PKHD1: variants seen among roughly 807,000 people sequenced by gnomAD.
The protein encoded by PKHD1 is PKHD1 ciliary IPT domain containing fibrocystin/polyductin.
In PKHD1, 291 loss-of-function variants were observed where a neutral mutation model predicts 412.0. The ratio of observed to expected loss-of-function variants is 0.71; its 90% CI spans 0.64 to 0.78. PKHD1 has a LOEUF of 0.78. Ranked by LOEUF, PKHD1 falls within the 30% of genes least tolerant of loss-of-function variation. The pLI is 0.00. For missense variants in PKHD1, 4,825 were observed against 4,950.7 expected (o/e 0.97, Z 0.76); for synonymous variants, 1,777 against 1,821.5 (o/e 0.98, Z 0.62).
intron 60 of PKHD1, among the ~76,000 whole-genome samples, chr6:51,740,521 T>C (rs936050698): frequency 2.6e-5 from 4 of 152,196 alleles, no homozygotes; most frequent in Non-Finnish European, 5.9e-5. Context: ...AAATATAAAA[T>C]TCCAGTGGTC....
chr6:51,718,031 C>T (rs1324267624), intron 60 of PKHD1, among the ~76,000 whole-genome samples: 2 of 152,202 alleles, frequency 1.3e-5, no homozygotes, highest in Non-Finnish European at 2.9e-5. Flanking sequence ...GGAAGCCTTG[C>T]TAAATGGTTT....
intron 35 of PKHD1, among the ~76,000 whole-genome samples, chr6:51,996,770 A>G (rs1741633432): frequency 6.6e-6 from 1 of 152,236 alleles, no homozygotes; most frequent in African/African-American, 2.4e-5. Flanking sequence ...AGAAGTGAGG[A>G]GCATCAGAGG....
chr6:51,640,512 A>C (rs1427240154), intron 63 of PKHD1, among the ~76,000 whole-genome samples: 6 of 152,180 alleles, frequency 3.9e-5, no homozygotes, highest in African/African-American at 9.6e-5. Context: ...TGACATATAC[A>C]AATGCAATTG....
chr6:51,845,637 A>C (rs150209590), intron 50 of PKHD1, among the ~76,000 whole-genome samples: 1 of 152,360 alleles, frequency 6.6e-6, no homozygotes, highest in East Asian at 1.9e-4. Flanking sequence ...ACATTCATTT[A>C]TATCATACAT....
chr6:51,864,003 A>G (rs938108743), intron 48 of PKHD1, among the ~76,000 whole-genome samples: 2 of 152,172 alleles, frequency 1.3e-5, no homozygotes, highest in Admixed American at 1.3e-4. Flanking sequence ...TGCAGGTGCT[A>G]TAAGTACTGA....
intron 64 of PKHD1, among the ~76,000 whole-genome samples, chr6:51,638,635 T>G (rs1447845246): frequency 6.6e-6 from 1 of 152,084 alleles, no homozygotes; most frequent in African/African-American, 2.4e-5. Context: ...AAATGTACAT[T>G]TGGTTTCTTG....
rs1365935950 is a variant in PKHD1 at position 51,647,932 on chromosome 6, A to G, written c.11398+99T>C. On this transcript the variant is annotated intron_variant, in intron 63 of 66. Coordinates refer to ENST00000371117, the MANE Select transcript of PKHD1 (RefSeq NM_138694.4). ...TCTTCCCAAATTACTGAAGAAATTC[A>G]GTATTACCAATTTTGCTATGAATTC... is the stretch of plus-strand genomic sequence containing the variant. 6.4e-6 allele frequency: 5 copies of G among 777,106 alleles called. No homozygotes were observed. The African/African-American group carries it at 6.8e-5, about 10-fold the overall frequency. 48.1% of individuals were successfully genotyped at this position (777,106 alleles called of 1,614,324 possible). A position where few individuals can be genotyped will look rare whatever the true frequency, so the allele number is the denominator to read the frequency against.
At chr6:51,739,079 T>A (rs1202962961) in intron 60 of PKHD1, among the ~76,000 whole-genome samples, 4 of 147,886 alleles carry the variant, frequency 2.7e-5, no homozygotes, top group Non-Finnish European at 4.5e-5. Context: ...ATATATTTTT[T>A]ATATATTTTA....
chr6:51,929,012 A>G (rs916840661), intron 37 of PKHD1, among the ~76,000 whole-genome samples: 1 of 152,178 alleles, frequency 6.6e-6, no homozygotes, highest in Non-Finnish European at 1.5e-5. Context: ...TCTGGTTTGT[A>G]TCTAGCTCAA....
At chr6:51,900,783 G>T (rs1469395043) in intron 43 of PKHD1, among the ~76,000 whole-genome samples, 5 of 151,594 alleles carry the variant, frequency 3.3e-5, no homozygotes, top group Admixed American at 1.3e-4. Context: ...CTGACAAAGG[G>T]CTAATATCCA....
intron 61 of PKHD1, 33 bp downstream of exon 61, chr6:51,658,919 C>T: frequency 4.8e-6 from 7 of 1,446,616 alleles, no homozygotes; most frequent in Non-Finnish European, 6.8e-6. Context: ...AAAAATCAGC[C>T]CTCATTTGGA....
chr6:51,736,463 T>C (rs953914891), intron 60 of PKHD1, among the ~76,000 whole-genome samples: 2 of 152,180 alleles, frequency 1.3e-5, no homozygotes, highest in African/African-American at 4.8e-5. Context: ...CCCCCCCTGC[T>C]TGGGATTAAA....
At chr6:52,001,596 AT>A (rs1034875679) in intron 35 of PKHD1, among the ~76,000 whole-genome samples, 4 of 151,512 alleles carry the variant, frequency 2.6e-5, no homozygotes, top group Admixed American at 6.6e-5. Flanking sequence ...CACCCGGCTA[AT>A]TTTTTTTGTA....
intron 55 of PKHD1, among the ~76,000 whole-genome samples, chr6:51,758,562 G>A (rs1787449054): frequency 6.6e-6 from 1 of 152,116 alleles, no homozygotes; most frequent in Non-Finnish European, 1.5e-5. Flanking sequence ...GGGAAGAGGG[G>A]AGACTTGCTT....
At chr6:52,051,242 G>A (rs1419800211) in intron 21 of PKHD1, among the ~76,000 whole-genome samples, 1 of 152,132 alleles carries the variant, frequency 6.6e-6, no homozygotes, top group Admixed American at 6.6e-5. Context: ...CCCATAGGTG[G>A]GGATAACAGG....
intron 55 of PKHD1, among the ~76,000 whole-genome samples, chr6:51,769,215 AT>A (rs1789639891): frequency 6.6e-6 from 1 of 151,474 alleles, no homozygotes; most frequent in African/African-American, 2.4e-5. Flanking sequence ...CTGGGAATAG[AT>A]TATATAACAT....
intron 60 of PKHD1, among the ~76,000 whole-genome samples, chr6:51,709,983 C>T (rs932096326): frequency 7.3e-5 from 11 of 151,486 alleles, no homozygotes; most frequent in African/African-American, 2.4e-4. Flanking sequence ...CCGAGGAGGG[C>T]GGATCACCTG....
intron 55 of PKHD1, among the ~76,000 whole-genome samples, chr6:51,758,714 A>C (rs936907163): frequency 1.3e-5 from 2 of 152,204 alleles, no homozygotes; most frequent in African/African-American, 2.4e-5. Context: ...CTTTTTAAAG[A>C]TAACTCTAAG....
At chr6:51,982,621 C>CA (rs1795601811) in intron 35 of PKHD1, among the ~76,000 whole-genome samples, 1 of 145,774 alleles carries the variant, frequency 6.9e-6, no homozygotes, top group Non-Finnish European at 1.5e-5. Flanking sequence ...GCATGCTCGT[C>CA]AAGAGTCATC....
Sources: allele counts gnomAD v4.1 joint callset (sites outside exome capture counted in the v4.1 genomes callset), GRCh38; gene constraint gnomAD v4.1.1; transcripts MANE v1.5; gene names NCBI Gene and HGNC (gene_info 2026-07-23, HGNC 2026-07-21).